Variants in FAM120B observed in about 807,000 individuals in gnomAD.
FAM120B encodes the protein constitutive coactivator of peroxisome proliferator-activated receptor gamma.
A neutral mutation model predicts 96.3 loss-of-function variants in FAM120B; 83 were observed. That is an observed-to-expected ratio of 0.86 (90% CI 0.72 to 1.03). FAM120B has a LOEUF of 1.03. Ranked by LOEUF, FAM120B falls within the 50% of genes least tolerant of loss-of-function variation. The pLI, the probability that FAM120B is intolerant of heterozygous loss-of-function variation, is 0.00. For synonymous variants in FAM120B, 407 were observed against 402.7 expected, an observed-to-expected ratio of 1.01 and a Z score of -0.13; for missense variants, 1,027 against 1,121.2, an observed-to-expected ratio of 0.92 and a Z score of 1.20.
intron 1 of FAM120B, among the ~76,000 whole-genome samples, chr6:170,301,233 C>T (rs1562505660): frequency 6.6e-6 from 1 of 152,240 alleles, no homozygotes; most frequent in African/African-American, 2.4e-5. Flanking sequence ...GGACCAATAC[C>T]ACATGGAATC....
In FAM120B at chr6:170,318,051, G is replaced by C. The variant is rs764033288; in HGVS notation, c.661G>C (p.Asp221His). Residue 221 changes from aspartate (D) to histidine (H), a missense_variant, in exon 2 of 11, where the codon GAC (aspartate) becomes CAC (histidine). Physicochemically the swap from Asp to His is moderately conservative, Grantham distance 81. Transcript: ENST00000476287. ...TGAGAGTCTGGGCCTCTGTGTGGCC[G>C]ACCTTCCTCTTCTGGCCTGCCTCCT... ...LCESLGLCVA[D>H]LPLLACLLGN... 3.1e-6 allele frequency: 5 copies of C among 1,614,026 alleles called. No homozygotes were observed. The highest frequency in any genetic ancestry group is 3.4e-6 in the Non-Finnish European group (4 of 1,180,006).
chr6:170,318,271 A>G lies in FAM120B; in HGVS notation c.881A>G (p.Lys294Arg). Reference sequence around the variant, plus strand: ...GAGATATTACCTCTGGGACCAAACAAAGCTCTTTTTTATAAAGGAATGGCA... The same window carrying G: ...GAGATATTACCTCTGGGACCAAACAGAGCTCTTTTTTATAAAGGAATGGCA... Reference protein sequence around the residue: ...LEEILPLGPNKALFYKGMASY... With the variant: ...LEEILPLGPNRALFYKGMASY... The change falls in exon 2 of 11, where the codon AAA (lysine) becomes AGA (arginine). Residue 294 changes from lysine (K) to arginine (R), a missense_variant. This residue lies in a region of FAM120B where 880 missense variants were observed against 980.9 expected (regional missense o/e 0.90). Coordinates refer to ENST00000476287, the MANE Select transcript of FAM120B (RefSeq NM_032448.3). 1.9e-6 allele frequency: 3 copies of G among 1,614,072 alleles called. No individual in the cohort carries two copies. The highest frequency in any genetic ancestry group is 2.2e-5 in the South Asian group (2 of 91,074).
intron 7 of FAM120B, among the ~76,000 whole-genome samples, chr6:170,390,784 T>C (rs560184958): frequency 6.6e-6 from 1 of 152,310 alleles, no homozygotes; most frequent in African/African-American, 2.4e-5. Context: ...TGGTGTTCTT[T>C]TTCTGGGGGA....
intron 5 of FAM120B, among the ~76,000 whole-genome samples, chr6:170,356,333 C>G (rs1231658797): frequency 1.3e-5 from 2 of 152,116 alleles, no homozygotes; most frequent in African/African-American, 4.8e-5. Context: ...ATTGATAAAT[C>G]AATTTTGTAT....
upstream of FAM120B, among the ~76,000 whole-genome samples, chr6:170,303,861 C>T (rs934263872): frequency 6.6e-6 from 1 of 152,056 alleles, no homozygotes; most frequent in Admixed American, 6.5e-5. Flanking sequence ...CATTTATTTC[C>T]TTATTCACTT....
At chr6:170,349,335 G>A (rs1484563356) in intron 5 of FAM120B, among the ~76,000 whole-genome samples, 4 of 152,050 alleles carry the variant, frequency 2.6e-5, no homozygotes, top group African/African-American at 9.7e-5. Context: ...TCACTTACCT[G>A]GAATAGACAA....
intron 6 of FAM120B, among the ~76,000 whole-genome samples, chr6:170,359,769 A>T (rs538563937): frequency 3.9e-5 from 6 of 152,304 alleles, no homozygotes; most frequent in African/African-American, 1.4e-4. Context: ...TCATTCATAA[A>T]CTAATTCTCA....
chr6:170,341,143 T>C (rs1467938138), intron 4 of FAM120B, among the ~76,000 whole-genome samples: 2 of 152,142 alleles, frequency 1.3e-5, no homozygotes, highest in African/African-American at 4.8e-5. Context: ...CCCAGGGAGA[T>C]GGGAGTTTTA....
At chr6:170,321,596 C>T (rs1297646064) in intron 2 of FAM120B, among the ~76,000 whole-genome samples, 3 of 152,168 alleles carry the variant, frequency 2.0e-5, no homozygotes, top group African/African-American at 4.8e-5. Context: ...CCAGGCTGGC[C>T]TTGAACTCCT....
At chr6:170,361,214 A>ACGTGTG in intron 6 of FAM120B, among the ~76,000 whole-genome samples, 1 of 100,072 alleles carries the variant, frequency 1.0e-5, no homozygotes, top group East Asian at 1.2e-3. Flanking sequence ...ATATATATAT[A>ACGTGTG]TATATATATA....
chr6:170,392,029 C>T (rs1265930111), intron 8 of FAM120B, among the ~76,000 whole-genome samples: 1 of 152,182 alleles, frequency 6.6e-6, no homozygotes, highest in Non-Finnish European at 1.5e-5. Flanking sequence ...TTTCTCATTA[C>T]TCCTAATGCT....
At chr6:170,380,610 C>T (rs1327667280) in intron 6 of FAM120B, among the ~76,000 whole-genome samples, 1 of 152,222 alleles carries the variant, frequency 6.6e-6, no homozygotes, top group Non-Finnish European at 1.5e-5. Flanking sequence ...TAGTGTCGGA[C>T]ACCTTGCGTA....
chr6:170,292,313 C>A (rs1349870820), upstream of FAM120B, among the ~76,000 whole-genome samples: 1 of 152,160 alleles, frequency 6.6e-6, no homozygotes, highest in African/African-American at 2.4e-5. This position sits in a 1 kb window ranked among gnomAD's most constrained non-coding sequence, Gnocchi z 6.6. Context: ...ATCTAAATTG[C>A]CCTCCTAGGC....
intron 7 of FAM120B, among the ~76,000 whole-genome samples, chr6:170,390,098 G>T (rs1050516946): frequency 1.3e-5 from 2 of 152,164 alleles, no homozygotes; most frequent in East Asian, 3.8e-4. Context: ...TTTAATACCC[G>T]CAGGGATGAG....
chr6:170,375,309 C>T (rs1398455485), intron 6 of FAM120B, among the ~76,000 whole-genome samples: 1 of 152,210 alleles, frequency 6.6e-6, no homozygotes, highest in African/African-American at 2.4e-5. Context: ...CTTGTGAAGT[C>T]CATTCCTTCA....
chr6:170,375,805 T>C (rs1421190630), intron 6 of FAM120B, among the ~76,000 whole-genome samples: 1 of 152,150 alleles, frequency 6.6e-6, no homozygotes, highest in Non-Finnish European at 1.5e-5. Flanking sequence ...GGTCCCCGTC[T>C]GGGCATAGAA....
intron 6 of FAM120B, among the ~76,000 whole-genome samples, chr6:170,376,449 A>G (rs12189864): frequency 0.58 from 86,858 of 150,236 alleles, 26,827 homozygotes; most frequent in Non-Finnish European, 0.68. Flanking sequence ...AAAGACAGTG[A>G]ACACAGAGAT....
chr6:170,384,404 A>G (rs1790081417), intron 6 of FAM120B, among the ~76,000 whole-genome samples: 1 of 152,172 alleles, frequency 6.6e-6, no homozygotes, highest in Non-Finnish European at 1.5e-5. Context: ...TCACCAACCA[A>G]ACAGATACCT....
intron 6 of FAM120B, among the ~76,000 whole-genome samples, chr6:170,382,440 G>C (rs914646288): frequency 6.6e-6 from 1 of 152,074 alleles, no homozygotes; most frequent in Non-Finnish European, 1.5e-5. Context: ...TCTAGTGAGA[G>C]TTCAGCAAGG....
Sources: gnomAD v4.1 joint callset for allele counts (sites outside exome capture counted in the v4.1 genomes callset) on GRCh38, gnomAD v4.1.1 for gene constraint, gnomAD v4.1.1 regional missense constraint, Gnocchi (gnomAD v3.1) non-coding constraint, MANE v1.5 for transcripts, NCBI Gene and HGNC (gene_info 2026-07-23, HGNC 2026-07-21) for gene names.